Variants in CFAP96 observed in about 807,000 individuals in gnomAD.
The protein encoded by CFAP96 is cilia-and flagella-associated protein 96.
chr4:185,449,742 G>A, the CFAP96 span: 1 of 767,318 alleles, frequency 1.3e-6, no homozygotes, highest in Non-Finnish European at 2.0e-6. Context: ...GGAGCAGATA[G>A]CTCAAGCAGT....
the CFAP96 span, among the ~76,000 whole-genome samples, chr4:185,443,292 TG>T: frequency 1.4e-5 from 2 of 144,226 alleles, no homozygotes; most frequent in African/African-American, 2.5e-5. Flanking sequence ...TTCAGGTTTT[TG>T]GGGTTTACAG....
At chr4:185,449,118 C>G in the CFAP96 span, among the ~76,000 whole-genome samples, 1 of 152,100 alleles carries the variant, frequency 6.6e-6, no homozygotes, top group South Asian at 2.1e-4. Flanking sequence ...GTATATATGG[C>G]TTTAATAAAA....
the CFAP96 span, among the ~76,000 whole-genome samples, chr4:185,433,183 A>G: frequency 6.6e-6 from 1 of 152,134 alleles, no homozygotes; most frequent in Non-Finnish European, 1.5e-5. Flanking sequence ...ATGTAATGTT[A>G]TATAACTGAG....
the CFAP96 span, chr4:185,413,624 G>T: frequency 2.7e-6 from 3 of 1,109,408 alleles, no homozygotes; most frequent in Non-Finnish European, 3.8e-6. Context: ...CATGTTTTAG[G>T]AATGAATACA....
At chr4:185,440,063 ATC>A in the CFAP96 span, among the ~76,000 whole-genome samples, 12 of 150,132 alleles carry the variant, frequency 8.0e-5, no homozygotes, top group South Asian at 2.1e-4. Flanking sequence ...TTATATACGT[ATC>A]TCATATATAC....
the CFAP96 span, among the ~76,000 whole-genome samples, chr4:185,448,299 G>C: frequency 2.0e-5 from 3 of 152,200 alleles, no homozygotes; most frequent in Non-Finnish European, 4.4e-5. Flanking sequence ...GGGATTAAGT[G>C]CTGGGATTAC....
chr4:185,449,526 A>AAC, the CFAP96 span: 1 of 1,077,030 alleles, frequency 9.3e-7, no homozygotes, highest in Non-Finnish European at 1.3e-6. Context: ...CGGTCTTAAA[A>AAC]AAAAAAAAGA....
At chr4:185,442,048 G>A in the CFAP96 span, among the ~76,000 whole-genome samples, 1 of 151,978 alleles carries the variant, frequency 6.6e-6, no homozygotes, top group Non-Finnish European at 1.5e-5. Flanking sequence ...TATTTTTGAA[G>A]TTATGTTTCT....
chr4:185,445,228 T>G, the CFAP96 span: 1 of 1,128,704 alleles, frequency 8.9e-7, no homozygotes, highest in East Asian at 2.6e-5. Flanking sequence ...TATACTTTTT[T>G]AAATGACAAA....
chr4:185,420,576 C>A, the CFAP96 span, among the ~76,000 whole-genome samples: 1 of 152,102 alleles, frequency 6.6e-6, no homozygotes, highest in Non-Finnish European at 1.5e-5. Flanking sequence ...AGAGATTACT[C>A]ATAACAAATC....
the CFAP96 span, among the ~76,000 whole-genome samples, chr4:185,410,602 C>CA: frequency 2.0e-5 from 3 of 151,380 alleles, no homozygotes; most frequent in African/African-American, 7.3e-5. Flanking sequence ...GAGCTGAGAT[C>CA]ATGCCACTGC....
the CFAP96 span, chr4:185,415,370 G>A: frequency 5.2e-6 from 8 of 1,529,966 alleles, no homozygotes; most frequent in African/African-American, 1.4e-5. Context: ...ATATATAAGT[G>A]TATTAACAAA....
chr4:185,443,316 T>TTACGTATATATATATATA, the CFAP96 span, among the ~76,000 whole-genome samples: 1 of 68,046 alleles, frequency 1.5e-5, no homozygotes, highest in African/African-American at 4.1e-5. Flanking sequence ...ATATTATTTT[T>TTACGTATATATATATATA]TATGTATATA....
the CFAP96 span, chr4:185,440,720 G>C: frequency 7.4e-7 from 1 of 1,346,718 alleles, no homozygotes; most frequent in South Asian, 1.4e-5. Flanking sequence ...TGGTAAAAAG[G>C]TAAGTTTACA....
chr4:185,443,342 A>ATATATATATATATTTTTTTTTTT, the CFAP96 span, among the ~76,000 whole-genome samples: 1 of 26,730 alleles, frequency 3.7e-5, no homozygotes, highest in African/African-American at 1.2e-4. Context: ...ATATATATAT[A>ATATATATATATATTTTTTTTTTT]TTTTTTTTTT....
the CFAP96 span, among the ~76,000 whole-genome samples, chr4:185,446,436 TG>T: frequency 6.6e-6 from 1 of 152,202 alleles, no homozygotes; most frequent in East Asian, 1.9e-4. Context: ...GAGAAGATTC[TG>T]TGGTCCCTGG....
the CFAP96 span, among the ~76,000 whole-genome samples, chr4:185,428,571 C>T: frequency 4.2e-4 from 3 of 7,218 alleles, no homozygotes; most frequent in South Asian, 0.023. Flanking sequence ...AAAAAAAAAA[C>T]AACAACAACA....
At chr4:185,434,457 C>T in the CFAP96 span, among the ~76,000 whole-genome samples, 1 of 151,950 alleles carries the variant, frequency 6.6e-6, no homozygotes, top group Non-Finnish European at 1.5e-5. Flanking sequence ...AGTCTTTTCT[C>T]CTGCCTGTGA....
chr4:185,428,056 A>G, the CFAP96 span, among the ~76,000 whole-genome samples: 6 of 150,112 alleles, frequency 4.0e-5, no homozygotes, highest in African/African-American at 1.5e-4. Flanking sequence ...ATTGCACTCC[A>G]TCCTGGGCTA....
Sources: gnomAD v4.1 joint callset for allele counts (sites outside exome capture counted in the v4.1 genomes callset) on GRCh38, gnomAD v4.1.1 for gene constraint, MANE v1.5 for transcripts, NCBI Gene and HGNC (gene_info 2026-07-23, HGNC 2026-07-21) for gene names.